Variants in TAS2R1 observed in about 807,000 individuals in gnomAD.
TAS2R1 encodes taste receptor type 2 member 1.
For synonymous variants in TAS2R1, 141 were observed against 134.2 expected (o/e 1.05, Z -0.35); for missense variants, 370 against 353.4 (o/e 1.05, Z -0.38).
chr5:9,857,155 A>C, the TAS2R1 span, among the ~76,000 whole-genome samples: 2 of 152,202 alleles, frequency 1.3e-5, no homozygotes, highest in African/African-American at 4.8e-5. Context: ...GGAAGTGAGA[A>C]GGAGGAGATG....
At chr5:9,897,483 C>A in the TAS2R1 span, among the ~76,000 whole-genome samples, 1 of 152,070 alleles carries the variant, frequency 6.6e-6, no homozygotes, top group Non-Finnish European at 1.5e-5. Flanking sequence ...ACAAAAACAC[C>A]TAGATTTGCA....
At chr5:9,704,323 C>G (rs1430573422) in intron 1 of TAS2R1, among the ~76,000 whole-genome samples, 2 of 151,268 alleles carry the variant, frequency 1.3e-5, no homozygotes, top group Non-Finnish European at 1.5e-5. Context: ...TTTATTGACC[C>G]ATGTTCTTTA....
At chr5:9,815,371 C>A in the TAS2R1 span, among the ~76,000 whole-genome samples, 2 of 152,142 alleles carry the variant, frequency 1.3e-5, no homozygotes, top group East Asian at 3.8e-4. Context: ...TGTAAGTGAA[C>A]CCTCTCTCTT....
chr5:9,756,656 T>A, the TAS2R1 span, among the ~76,000 whole-genome samples: 1 of 152,160 alleles, frequency 6.6e-6, no homozygotes, highest in Admixed American at 6.5e-5. Flanking sequence ...TTGTGAGTGG[T>A]TGGGGGCCTT....
the TAS2R1 span, among the ~76,000 whole-genome samples, chr5:9,856,304 T>C: frequency 2.0e-5 from 3 of 151,948 alleles, no homozygotes; most frequent in African/African-American, 7.3e-5. Flanking sequence ...CTCCCTTGGA[T>C]AGCACAAGAT....
At chr5:9,719,904 C>T in the TAS2R1 span, among the ~76,000 whole-genome samples, 9 of 122,094 alleles carry the variant, frequency 7.4e-5, no homozygotes, top group South Asian at 1.8e-3. Flanking sequence ...GGCGACAGAG[C>T]GAAGATTCCG....
At chr5:9,813,882 G>A in the TAS2R1 span, among the ~76,000 whole-genome samples, 23 of 152,082 alleles carry the variant, frequency 1.5e-4, no homozygotes, top group African/African-American at 5.5e-4. Flanking sequence ...TTTCATTATT[G>A]ACTTCATCTC....
At chr5:9,834,492 C>T in the TAS2R1 span, among the ~76,000 whole-genome samples, 1 of 152,070 alleles carries the variant, frequency 6.6e-6, no homozygotes, top group African/African-American at 2.4e-5. Context: ...TTAAAAAATG[C>T]CCAGAGTACA....
chr5:9,716,253 T>C (rs1472979729), upstream of TAS2R1, among the ~76,000 whole-genome samples: 1 of 152,108 alleles, frequency 6.6e-6, no homozygotes, highest in Non-Finnish European at 1.5e-5. Context: ...TGGCCTCTCT[T>C]GTTCTGGGGT....
At chr5:9,859,989 G>T in the TAS2R1 span, among the ~76,000 whole-genome samples, 1 of 152,242 alleles carries the variant, frequency 6.6e-6, no homozygotes, top group African/African-American at 2.4e-5. Flanking sequence ...TATTGCCACT[G>T]AAAGTCTAAT....
intron 2 of TAS2R1, among the ~76,000 whole-genome samples, chr5:9,656,003 G>A (rs1024830660): frequency 1.3e-5 from 2 of 151,902 alleles, no homozygotes; most frequent in Non-Finnish European, 2.9e-5. Context: ...ATGCTAATAG[G>A]AGCCCTGCTT....
chr5:9,677,887 C>G (rs1056041096), intron 1 of TAS2R1, among the ~76,000 whole-genome samples: 2 of 152,068 alleles, frequency 1.3e-5, no homozygotes, highest in Non-Finnish European at 2.9e-5. Context: ...TCATAGCAAC[C>G]TTATTCATAA....
chr5:9,666,598 A>G (rs1430908037), intron 1 of TAS2R1, among the ~76,000 whole-genome samples: 1 of 152,186 alleles, frequency 6.6e-6, no homozygotes, highest in Non-Finnish European at 1.5e-5. Flanking sequence ...CATAGCAGTG[A>G]GTAAGAGTAG....
chr5:9,867,908 GC>G, the TAS2R1 span, among the ~76,000 whole-genome samples: 1 of 152,150 alleles, frequency 6.6e-6, no homozygotes, highest in African/African-American at 2.4e-5. Flanking sequence ...GGAGCTACAG[GC>G]CCCATGCAAG....
At chr5:9,724,747 G>A in the TAS2R1 span, among the ~76,000 whole-genome samples, 1 of 152,194 alleles carries the variant, frequency 6.6e-6, no homozygotes, top group African/African-American at 2.4e-5. Context: ...TCTGGTGTGT[G>A]GCTTCAGGGC....
chr5:9,678,234 C>G (rs1308571766), intron 1 of TAS2R1, among the ~76,000 whole-genome samples: 1 of 152,100 alleles, frequency 6.6e-6, no homozygotes, highest in Non-Finnish European at 1.5e-5. Flanking sequence ...CAGTGAGATA[C>G]TATCTCATGC....
intron 1 of TAS2R1, among the ~76,000 whole-genome samples, chr5:9,674,597 A>C (rs1236408009): frequency 6.6e-6 from 1 of 152,128 alleles, no homozygotes; most frequent in East Asian, 1.9e-4. Flanking sequence ...AAGATGTATG[A>C]ATATTATGTG....
the TAS2R1 span, among the ~76,000 whole-genome samples, chr5:9,874,107 T>A: frequency 6.6e-6 from 1 of 152,124 alleles, no homozygotes; most frequent in African/African-American, 2.4e-5. Context: ...CTTTACAAAT[T>A]GAAAAAATTA....
At chr5:9,665,669 A>G (rs563514739) in intron 1 of TAS2R1, among the ~76,000 whole-genome samples, 20 of 152,360 alleles carry the variant, frequency 1.3e-4, no homozygotes, top group African/African-American at 4.6e-4. Flanking sequence ...CAGCCCTCTC[A>G]TCAGTAGAAT....
Sources: allele counts gnomAD v4.1 joint callset (sites outside exome capture counted in the v4.1 genomes callset), GRCh38; gene constraint gnomAD v4.1.1; transcripts MANE v1.5; gene names NCBI Gene and HGNC (gene_info 2026-07-23, HGNC 2026-07-21).